The following SYCP1 variants were observed in gnomAD, a reference collection of about 807,000 sequenced individuals.
The protein encoded by SYCP1 is cancer/testis antigen 8.
SYCP1 carries 64 observed loss-of-function variants against 153.1 expected under a neutral mutation model. The observed-to-expected ratio is 0.42, with a 90% CI of 0.34 to 0.51. The LOEUF (loss-of-function observed/expected upper bound fraction) is 0.51. SYCP1 is among the 20% of genes least tolerant of loss of function. The pLI is 0.06. For synonymous variants in SYCP1, 384 were observed against 341.8 expected, an observed-to-expected ratio of 1.12 and a Z score of -1.36; for missense variants, 997 against 1,049.0, an observed-to-expected ratio of 0.95 and a Z score of 0.68.
rs57520899 is a variant in SYCP1 at position 114,909,495 on chromosome 1, TACACACACACACAC to T, written c.1321-875_1321-862del. ...TTCTTTCCCTCTCTCTCCCTTGCTG[TACACACACACACAC>T]ACACACACACACACACACACACACA... On this transcript the variant is annotated intron_variant, in intron 16 of 31. Transcript: ENST00000369522. Among the ~76,000 whole-genome samples the T allele has an allele frequency of 5.7e-3, 612 of 106,502 alleles. 7 individuals are homozygous for T. Among genetic ancestry groups the T allele is most frequent in the African/African-American group, 0.021 (562 of 27,040 alleles). 69.9% of individuals were successfully genotyped at this position (106,502 alleles called of 152,430 possible). A position where few individuals can be genotyped will look rare whatever the true frequency, so the allele number is the denominator to read the frequency against.
At chr1:114,906,670 T>C (rs915928496) in intron 16 of SYCP1, among the ~76,000 whole-genome samples, 4 of 152,246 alleles carry the variant, frequency 2.6e-5, no homozygotes, top group Non-Finnish European at 4.4e-5. Context: ...CTGTTATTTT[T>C]TGTTATTCTT....
At chr1:114,895,293 G>A (rs1226955603) in intron 15 of SYCP1, among the ~76,000 whole-genome samples, 155 bp from the exon 16 acceptor site, 1 of 152,038 alleles carries the variant, frequency 6.6e-6, no homozygotes, top group African/African-American at 2.4e-5. Context: ...GCTTTTCATA[G>A]TTAGATTTGG....
rs186132469 is a variant in SYCP1 at position 114,993,558 on chromosome 1, C to A, written c.2704-1140C>A. 4.0e-5 allele frequency among the ~76,000 whole-genome samples: 6 copies of A among 151,238 alleles called. 1 individual carries two copies. The highest frequency in any genetic ancestry group is 4.0e-4 in the Admixed American group (6 of 15,148). ...CTTGCAAAATGGGGATAATGGTATACCTACTTTATAAAATTGTTATGAAGA... is the reference window on the plus strand; with the variant it reads ...CTTGCAAAATGGGGATAATGGTATAACTACTTTATAAAATTGTTATGAAGA... On this transcript the variant is annotated intron_variant, in intron 30 of 31. Coordinates refer to ENST00000369522, the MANE Select transcript of SYCP1 (RefSeq NM_003176.4).
At position 114,944,425 on chromosome 1, in the gene SYCP1, A is replaced by C; in HGVS notation, c.2013A>C (p.Lys671Asn). The change falls in exon 24 of 32, where the codon AAA becomes AAC. Residue 671 changes from lysine (K) to asparagine (N), a missense_variant. Lys to Asn is a moderately conservative substitution (Grantham distance 94, BLOSUM62 0). Around this residue, in one of 2 missense-constraint regions of SYCP1, gnomAD observed 712 missense variants for 682.9 expected, o/e 1.04. Transcript: ENST00000369522. The stretch of plus-strand genomic sequence containing the variant: ...CCTATCAGAAAGAAATTGAGGACAA[A>C]AAGATATCAGAAGAAAATCTTTTGG... ...TDTYQKEIED[K>N]KISEENLLEE... 1 of 1,603,250 alleles carries C rather than the reference A, an allele frequency of 6.2e-7. No homozygotes were observed. Among genetic ancestry groups the C allele is most frequent in the Non-Finnish European group, 8.5e-7 (1 of 1,175,252 alleles).
chr1:114,879,974 C>A (rs1665805995), intron 12 of SYCP1, among the ~76,000 whole-genome samples: 1 of 152,104 alleles, frequency 6.6e-6, no homozygotes, highest in Admixed American at 6.5e-5. Flanking sequence ...GTTAAGTTTT[C>A]TCCTCTTTTA....
At chr1:114,886,380 A>C (rs1483316635) in intron 14 of SYCP1, 71 bp downstream of exon 14, 2 of 1,329,864 alleles carry the variant, frequency 1.5e-6, no homozygotes, top group Non-Finnish European at 2.0e-6. Flanking sequence ...ATTCAATGCC[A>C]TTTTCTTTGC....
chr1:114,977,053 T>C (rs1370360603), intron 27 of SYCP1, among the ~76,000 whole-genome samples: 1 of 151,800 alleles, frequency 6.6e-6, no homozygotes, highest in East Asian at 1.9e-4. Context: ...TCTAATGATA[T>C]TAGCATATCA....
chr1:114,862,588 C>G (rs996712872), intron 8 of SYCP1, among the ~76,000 whole-genome samples: 2 of 151,942 alleles, frequency 1.3e-5, no homozygotes, highest in Non-Finnish European at 2.9e-5. Flanking sequence ...GACCACCTGC[C>G]TCGGCCTCCC....
At chr1:114,857,158 G>GAAAAAAAAA in intron 3 of SYCP1, 74 bp from the exon 4 acceptor site, 1 of 474,180 alleles carries the variant, frequency 2.1e-6, no homozygotes, top group Non-Finnish European at 3.1e-6. Context: ...AAAAAAAAAA[G>GAAAAAAAAA]AGAAAAAAGA....
At chr1:114,890,266 C>T (rs1666609843) in intron 15 of SYCP1, among the ~76,000 whole-genome samples, 2 of 151,654 alleles carry the variant, frequency 1.3e-5, no homozygotes, top group South Asian at 4.2e-4. Flanking sequence ...AGCAAAATTT[C>T]CTTTAGGAAA....
intron 2 of SYCP1, among the ~76,000 whole-genome samples, chr1:114,855,864 C>T (rs1663901362): frequency 6.6e-6 from 1 of 151,954 alleles, no homozygotes; most frequent in African/African-American, 2.4e-5. Flanking sequence ...ACAGATACTA[C>T]GAGATAGTAG....
intron 8 of SYCP1, among the ~76,000 whole-genome samples, chr1:114,865,084 A>C (rs577161641): frequency 6.6e-6 from 1 of 152,116 alleles, no homozygotes; most frequent in Non-Finnish European, 1.5e-5. Flanking sequence ...GTTCTTTAAA[A>C]ATTTGTAGTG....
intron 3 of SYCP1, 88 bp from the exon 4 acceptor site, chr1:114,857,136 CAAAAAAAA>C (rs71582509): frequency 4.9e-5 from 12 of 242,698 alleles, no homozygotes; most frequent in East Asian, 2.0e-4. Flanking sequence ...CTCTCTCTCT[CAAAAAAAA>C]AAAAAAAAAA....
intron 30 of SYCP1, among the ~76,000 whole-genome samples, chr1:114,990,418 T>C (rs1673843024): frequency 6.6e-6 from 1 of 151,824 alleles, no homozygotes; most frequent in Non-Finnish European, 1.5e-5. Flanking sequence ...ACTTTATACC[T>C]TAGTAAAGAA....
intron 15 of SYCP1, among the ~76,000 whole-genome samples, chr1:114,892,940 G>A (rs1666822775): frequency 6.6e-6 from 1 of 152,020 alleles, no homozygotes; most frequent in East Asian, 1.9e-4. Flanking sequence ...AGGGTGGGTG[G>A]GACCCAGCAT....
intron 25 of SYCP1, among the ~76,000 whole-genome samples, chr1:114,945,297 A>G (rs1437276661): frequency 1.3e-5 from 2 of 152,064 alleles, no homozygotes; most frequent in African/African-American, 2.4e-5. Context: ...TTTTAAGTAC[A>G]TAACCAGGAT....
chr1:114,890,903 T>G (rs1304838930), intron 15 of SYCP1, among the ~76,000 whole-genome samples: 2 of 152,184 alleles, frequency 1.3e-5, no homozygotes, highest in Non-Finnish European at 2.9e-5. Flanking sequence ...ATTCCTCATT[T>G]TCTCTTTCTT....
chr1:114,893,761 G>A (rs1666884038), intron 15 of SYCP1, among the ~76,000 whole-genome samples: 1 of 152,054 alleles, frequency 6.6e-6, no homozygotes, highest in Non-Finnish European at 1.5e-5. Context: ...AGTGGGAGTT[G>A]CTGTGGGGAA....
intron 27 of SYCP1, among the ~76,000 whole-genome samples, chr1:114,971,333 A>G (rs921946247): frequency 2.6e-5 from 4 of 152,004 alleles, no homozygotes; most frequent in African/African-American, 7.3e-5. Context: ...TTATGTTCCA[A>G]GGGGGATTAT....
Sources: allele counts gnomAD v4.1 joint callset (sites outside exome capture counted in the v4.1 genomes callset), GRCh38; gene constraint gnomAD v4.1.1; regional missense constraint gnomAD v4.1.1; transcripts MANE v1.5; gene names NCBI Gene and HGNC (gene_info 2026-07-23, HGNC 2026-07-21).